AGBL4: variants seen among roughly 807,000 people sequenced by gnomAD.
AGBL4 encodes the protein AGBL carboxypeptidase 4.
In AGBL4, 58 loss-of-function variants were observed where a neutral mutation model predicts 66.4. The observed-to-expected ratio is 0.87, with a 90% CI of 0.71 to 1.09. The LOEUF (loss-of-function observed/expected upper bound fraction) is 1.09. AGBL4 is among the 50% of genes least tolerant of loss of function. The pLI is 0.00. For synonymous variants in AGBL4, 234 were observed against 222.9 expected, an observed-to-expected ratio of 1.05 and a Z score of -0.44; for missense variants, 579 against 631.0, an observed-to-expected ratio of 0.92 and a Z score of 0.88.
chr1:49,968,334 C>T (rs1657751154), intron 1 of AGBL4, among the ~76,000 whole-genome samples: 1 of 151,800 alleles, frequency 6.6e-6, no homozygotes, highest in Non-Finnish European at 1.5e-5. Context: ...CACATACATA[C>T]ACAAATGCAA....
At chr1:49,210,223 AT>A (rs1033693834) in intron 4 of AGBL4, among the ~76,000 whole-genome samples, 2 of 152,054 alleles carry the variant, frequency 1.3e-5, no homozygotes, top group East Asian at 1.9e-4. Context: ...CCTTTCATCT[AT>A]TTTTTAAAAG....
rs370498697 is a variant in AGBL4, at chr1:49,353,447, A to G, written c.283-107583T>C. Among the ~76,000 whole-genome samples, 4 of 152,334 alleles carry G rather than the reference A, an allele frequency of 2.6e-5. 1 individual carries two copies. Among genetic ancestry groups the G allele is most frequent in the African/African-American group, 9.6e-5 (4 of 41,564 alleles). ...TGGATAATTACAATTATTGTGATTA[A>G]TAAACATAATTATAATTCACTCTGT... On this transcript the variant is annotated intron_variant, in intron 3 of 13. Transcript: ENST00000371839.
At chr1:48,841,321 T>C (rs2148796410) in intron 6 of AGBL4, among the ~76,000 whole-genome samples, 1 of 152,118 alleles carries the variant, frequency 6.6e-6, no homozygotes, top group African/African-American at 2.4e-5. Flanking sequence ...ACCTAGTACT[T>C]GAGGCCTCCA....
intron 3 of AGBL4, among the ~76,000 whole-genome samples, chr1:49,588,398 G>A (rs1571116120): frequency 6.6e-6 from 1 of 152,110 alleles, no homozygotes; most frequent in Non-Finnish European, 1.5e-5. Flanking sequence ...CTAGCACCCA[G>A]TACAAATTTT....
intron 10 of AGBL4, 28 bp downstream of exon 10, chr1:48,590,805 G>T: frequency 1.3e-6 from 2 of 1,575,952 alleles, no homozygotes; most frequent in South Asian, 2.4e-5. Flanking sequence ...GGGGGCTGGG[G>T]CTGGCTGAGA....
At chr1:49,465,215 AC>A (rs1388926162) in intron 3 of AGBL4, among the ~76,000 whole-genome samples, 1 of 39,012 alleles carries the variant, frequency 2.6e-5, no homozygotes, top group African/African-American at 8.8e-5. Flanking sequence ...CTACATACAC[AC>A]ACACACACAC....
intron 9 of AGBL4, among the ~76,000 whole-genome samples, chr1:48,605,506 G>A (rs142003114): frequency 1.2e-4 from 18 of 152,196 alleles, no homozygotes; most frequent in Middle Eastern, 3.4e-3. Context: ...GCTTCCCTAC[G>A]CCATGTCCTT....
At chr1:48,940,530 T>C (rs1423854768) in intron 5 of AGBL4, among the ~76,000 whole-genome samples, 1 of 152,122 alleles carries the variant, frequency 6.6e-6, no homozygotes, top group Non-Finnish European at 1.5e-5. Context: ...AGGCTACAAG[T>C]AGTGTTTTGG....
At chr1:48,639,092 G>C (rs1557845780) in intron 8 of AGBL4, among the ~76,000 whole-genome samples, 2 of 152,170 alleles carry the variant, frequency 1.3e-5, no homozygotes, top group South Asian at 4.1e-4. Flanking sequence ...AAAATTGTTA[G>C]AGGTCAGAGA....
chr1:49,677,256 A>G (rs1646598800), intron 3 of AGBL4, among the ~76,000 whole-genome samples: 1 of 152,062 alleles, frequency 6.6e-6, no homozygotes, highest in East Asian at 1.9e-4. Flanking sequence ...CCCAATGTCT[A>G]GTCCAATCTC....
intron 4 of AGBL4, among the ~76,000 whole-genome samples, chr1:49,125,581 C>T (rs1645748466): frequency 6.6e-6 from 1 of 152,072 alleles, no homozygotes; most frequent in Admixed American, 6.6e-5. Context: ...AAGCTCTACA[C>T]TGGAAAGAAG....
intron 3 of AGBL4, among the ~76,000 whole-genome samples, chr1:49,521,555 C>T (rs1216484971): frequency 6.6e-6 from 1 of 151,998 alleles, no homozygotes; most frequent in African/African-American, 2.4e-5. Flanking sequence ...GGGGAAAGGA[C>T]TCCTTATTCA....
chr1:48,655,941 T>A (rs918259383), intron 7 of AGBL4, among the ~76,000 whole-genome samples: 1 of 152,244 alleles, frequency 6.6e-6, no homozygotes, highest in African/African-American at 2.4e-5. Flanking sequence ...TCCATCTATT[T>A]TATTCCTCTC....
intron 5 of AGBL4, among the ~76,000 whole-genome samples, chr1:48,996,528 G>C (rs903591836): frequency 2.0e-5 from 3 of 152,198 alleles, no homozygotes; most frequent in Non-Finnish European, 4.4e-5. Context: ...AGTATTTCAG[G>C]AAGTAGGTTG....
At chr1:49,009,203 C>T (rs985645927) in intron 5 of AGBL4, among the ~76,000 whole-genome samples, 1 of 151,866 alleles carries the variant, frequency 6.6e-6, no homozygotes, top group Non-Finnish European at 1.5e-5. Context: ...GATATCACCA[C>T]TGATCCCACA....
intron 1 of AGBL4, among the ~76,000 whole-genome samples, chr1:49,958,070 C>G (rs1656787743): frequency 6.6e-6 from 1 of 151,998 alleles, no homozygotes; most frequent in African/African-American, 2.4e-5. Context: ...GACAAAATCT[C>G]TCAGCATTTG....
intron 6 of AGBL4, among the ~76,000 whole-genome samples, chr1:48,687,071 C>T (rs907426599): frequency 3.0e-4 from 45 of 150,212 alleles, no homozygotes; most frequent in African/African-American, 1.1e-3. Context: ...GGGGGTGGGG[C>T]AGCGGGGCAG....
At chr1:49,154,736 G>T (rs1333629976) in intron 4 of AGBL4, among the ~76,000 whole-genome samples, 1 of 151,936 alleles carries the variant, frequency 6.6e-6, no homozygotes, top group Non-Finnish European at 1.5e-5. Flanking sequence ...AATAATTCAG[G>T]GCTATATTAA....
chr1:49,622,405 G>A (rs1191580699), intron 3 of AGBL4, among the ~76,000 whole-genome samples: 10 of 151,754 alleles, frequency 6.6e-5, no homozygotes, highest in South Asian at 2.1e-4. Flanking sequence ...CGAGGCGGGC[G>A]GATCACGAGG....
Sources: allele counts gnomAD v4.1 joint callset (sites outside exome capture counted in the v4.1 genomes callset), GRCh38; gene constraint gnomAD v4.1.1; transcripts MANE v1.5; gene names NCBI Gene and HGNC (gene_info 2026-07-23, HGNC 2026-07-21).